The following CTDNEP1 variants were observed in gnomAD, a reference collection of about 807,000 sequenced individuals.
CTDNEP1 encodes C-terminal domain nuclear envelope phosphatase 1.
CTDNEP1 carries 3 observed loss-of-function variants against 30.1 expected under a neutral mutation model. That is an observed-to-expected ratio of 0.10 (90% confidence interval 0.05 to 0.26). The LOEUF (loss-of-function observed/expected upper bound fraction) is 0.26, where lower values mean the gene tolerates loss of function less well. Among genes scored for constraint, CTDNEP1 ranks in the 10% least tolerant of loss-of-function variants. The probability of loss-of-function intolerance (pLI) is 1.00; values close to 1 mark genes in which losing one functional copy is unlikely to be tolerated. For missense variants in CTDNEP1, 158 were observed against 310.4 expected (o/e 0.51, Z 3.69); for synonymous variants, 123 against 118.8 (o/e 1.04, Z -0.23).
chr17:7,249,380 C>T (rs2071883920), intron 1 of CTDNEP1, among the ~76,000 whole-genome samples: 1 of 152,200 alleles, frequency 6.6e-6, no homozygotes, highest in Admixed American at 6.5e-5. Context: ...AGTGTCCAGC[C>T]TTGCTATCTC....
Position 7,243,822 on chromosome 17 carries a change from TC to T in CTDNEP1, c.*362del. The T allele has an allele frequency of 1.8e-6, 1 of 549,608 alleles. No individual in the cohort carries two copies. Among genetic ancestry groups the T allele is most frequent in the Non-Finnish European group, 2.4e-6 (1 of 411,014 alleles). The allele number at this position is 549,608 out of a possible 1,614,324, so 34.0% of individuals were successfully genotyped here. On this transcript the variant is annotated 3_prime_UTR_variant, in exon 8 of 8. Transcript: ENST00000574322. ...TTGTACAAGAGTTTTTTAAAAAAAA[TC>T]AAATCACAACAAAGCTGACTTGGCT...
rs1384192868 is a variant in CTDNEP1 at position 7,244,622 on chromosome 17, G to T, written c.603C>A (p.Pro201=). 1 of 1,612,354 alleles carries T rather than the reference G, an allele frequency of 6.2e-7. No individual in the cohort carries two copies. Among genetic ancestry groups the T allele is most frequent in the African/African-American group, 1.3e-5 (1 of 74,920 alleles). Reference sequence around the variant, plus strand: ...TGGGGTCACTGAACCAGGATTTGATGGGGATGGCATTGTCTAGGGTGGGTG... The same window carrying T: ...TGGGGTCACTGAACCAGGATTTGATTGGGATGGCATTGTCTAGGGTGGGTG... ...AYRSHPDNAI[P]IKSWFSDPSD... Residue 201 remains proline, a synonymous_variant, in exon 7 of 8, where the codon CCC becomes CCA. Transcript: ENST00000574322.
chr17:7,251,555 A>G lies in CTDNEP1; in HGVS notation c.-259T>C. 1 of 164,406 alleles carries G rather than the reference A, an allele frequency of 6.1e-6. No homozygotes were observed. The highest frequency in any genetic ancestry group is 1.1e-5 in the Non-Finnish European group (1 of 89,726). 10.2% of individuals were successfully genotyped at this position (164,406 alleles called of 1,614,324 possible). ...GGGAGTGGCACCGACGGCTTCGGGG[A>G]GGTTGCGGGCCGAGACAGGTAGGGC... On this transcript the variant is annotated 5_prime_UTR_variant, in exon 1 of 8. Transcript: ENST00000574322.
chr17:7,244,453 CAG>C (rs1432951105), intron 7 of CTDNEP1, 96 bp downstream of exon 7: 7 of 1,307,004 alleles, frequency 5.4e-6, no homozygotes, highest in Non-Finnish European at 7.7e-6. Flanking sequence ...CTTAAGGGAA[CAG>C]AGTTAAAACA....
rs144600063 is a variant in CTDNEP1 at position 7,250,732 on chromosome 17, T to A, written c.102+463A>T. Among the ~76,000 whole-genome samples the A allele has an allele frequency of 9.2e-5, 14 of 152,256 alleles. No individual in the cohort carries two copies. The East Asian group carries it at 2.7e-3, about 29-fold the overall frequency. The stretch of plus-strand genomic sequence containing the variant: ...GGGCTTTCCCAAGTTCCCGTCCTTG[T>A]TTGTAACGTATGCCCTCCCACCCAC... On this transcript the variant is annotated intron_variant, in intron 1 of 7. Transcript: ENST00000574322.
intron 1 of CTDNEP1, among the ~76,000 whole-genome samples, chr17:7,250,246 G>C (rs2071895865): frequency 6.6e-6 from 1 of 152,152 alleles, no homozygotes; most frequent in South Asian, 2.1e-4. Flanking sequence ...CCACAGTACA[G>C]ACCCAGAACC....
intron 1 of CTDNEP1, 97 bp downstream of exon 1, chr17:7,251,098 C>T: frequency 1.2e-6 from 1 of 820,548 alleles, no homozygotes. Flanking sequence ...TAGGCCCAAA[C>T]AGAGGCCCGA....
chr17:7,247,058 A>G lies in CTDNEP1; in HGVS notation c.288+6T>C. 1.2e-6 allele frequency: 2 copies of G among 1,600,894 alleles called. No individual in the cohort carries two copies. The highest frequency in any genetic ancestry group is 1.7e-6 in the Non-Finnish European group (2 of 1,169,580). ...AACCATTTCATCACTCCCCACCACC[A>G]CACACCTTGAGGATGAAGTCAGGAG... On this transcript the variant is annotated splice_donor_region_variant and intron_variant, in intron 3 of 7. Transcript: ENST00000574322.
At chr17:7,247,630 G>C (rs1044729933) in intron 1 of CTDNEP1, among the ~76,000 whole-genome samples, 8 of 151,610 alleles carry the variant, frequency 5.3e-5, no homozygotes, top group Admixed American at 4.6e-4. Flanking sequence ...CACCACGCTC[G>C]GCTCATTTTT....
chr17:7,245,710 G>C (rs1404661473), intron 6 of CTDNEP1, among the ~76,000 whole-genome samples: 2 of 151,792 alleles, frequency 1.3e-5, no homozygotes, highest in African/African-American at 4.8e-5. Context: ...ATGTTTGTTA[G>C]GCTGGTCTCG....
upstream of CTDNEP1, chr17:7,251,813 A>T (rs1447456779): frequency 6.0e-5 from 4 of 66,156 alleles, no homozygotes; most frequent in Non-Finnish European, 1.4e-4. Flanking sequence ...AGAGCGAAGG[A>T]GCAGGGAAGG....
In CTDNEP1 at chr17:7,244,173, G is replaced by T; in HGVS notation, c.*12C>A. 1 of 1,613,906 alleles carries T rather than the reference G, an allele frequency of 6.2e-7. No homozygotes were observed. Among genetic ancestry groups the T allele is most frequent in the Non-Finnish European group, 8.5e-7 (1 of 1,179,944 alleles). On this transcript the variant is annotated 3_prime_UTR_variant, in exon 8 of 8. Transcript: ENST00000574322. The stretch of plus-strand genomic sequence containing the variant: ...CCCCCCCACCCCAACTCAGGTGGAG[G>T]GGGAGCAGCTGTCACCAGAGCCGAT...
chr17:7,249,081 C>T (rs752593344), intron 1 of CTDNEP1, among the ~76,000 whole-genome samples: 45 of 152,126 alleles, frequency 3.0e-4, no homozygotes, highest in Non-Finnish European at 6.0e-4. Flanking sequence ...AAGTCAGGGC[C>T]GTTAAGTGAG....
chr17:7,247,483 T>C lies in CTDNEP1; in HGVS notation c.103-140A>G. ...TTATTTCTTCTTCTTTTTTTTTTTTTTTTGAGATGGAGTCTCGCTCTGTTG... is the reference window on the plus strand; with the variant it reads ...TTATTTCTTCTTCTTTTTTTTTTTTCTTTGAGATGGAGTCTCGCTCTGTTG... On this transcript the variant is annotated intron_variant, in intron 1 of 7. Transcript: ENST00000574322. 3 of 684,084 alleles carry C rather than the reference T, an allele frequency of 4.4e-6. No homozygotes were observed. The South Asian group carries it at 5.6e-5, about 13-fold the overall frequency. 42.4% of individuals were successfully genotyped at this position (684,084 alleles called of 1,614,324 possible).
Position 7,246,770 on chromosome 17 carries a change from C to T in CTDNEP1, c.360+21G>A, listed in dbSNP as rs944623849. On this transcript the variant is annotated intron_variant, in intron 4 of 7. Coordinates refer to ENST00000574322, the MANE Select transcript of CTDNEP1 (RefSeq NM_001143775.2). The surrounding 1 kb of genome is among the most constrained non-coding windows in gnomAD (Gnocchi z 4.9). Reference sequence around the variant, plus strand: ...AACCATTCCTTCATTACAGAGCTCCCTTTAGCTCTCCAAAACTCACCACTT... The same window carrying T: ...AACCATTCCTTCATTACAGAGCTCCTTTTAGCTCTCCAAAACTCACCACTT... The T allele has an allele frequency of 6.3e-7, 1 of 1,597,646 alleles. No homozygotes were observed. Among genetic ancestry groups the T allele is most frequent in the South Asian group, 1.1e-5 (1 of 90,710 alleles).
Position 7,246,943 on chromosome 17 carries a change from C to T in CTDNEP1, c.289-81G>A. On this transcript the variant is annotated intron_variant, in intron 3 of 7. Transcript: ENST00000574322. The surrounding 1 kb of genome is among the most constrained non-coding windows in gnomAD (Gnocchi z 4.9). ...GAAAACGCCCCACCCATCTGCTTCC[C>T]TCCTCCAGGCTGACACTGGTGCCAG... 4 of 1,437,266 alleles carry T rather than the reference C, an allele frequency of 2.8e-6. No individual in the cohort carries two copies. Among genetic ancestry groups the T allele is most frequent in the Non-Finnish European group, 3.9e-6 (4 of 1,022,860 alleles). The allele number at this position is 1,437,266 out of a possible 1,614,324, so 89.0% of individuals were successfully genotyped here.
chr17:7,244,489 T>C, intron 7 of CTDNEP1, 62 bp downstream of exon 7: 5 of 1,456,618 alleles, frequency 3.4e-6, no homozygotes, highest in Non-Finnish European at 4.8e-6. Context: ...TTATTCCCTC[T>C]GAGGATCCCC....
At chr17:7,245,104 A>G (rs1184347088) in intron 6 of CTDNEP1, among the ~76,000 whole-genome samples, 1 of 152,190 alleles carries the variant, frequency 6.6e-6, no homozygotes, top group Non-Finnish European at 1.5e-5. Flanking sequence ...CAGCCTGGCC[A>G]ACGTGGTGAA....
intron 6 of CTDNEP1, among the ~76,000 whole-genome samples, chr17:7,245,759 A>G (rs1028223170): frequency 6.6e-6 from 1 of 152,112 alleles, no homozygotes; most frequent in Non-Finnish European, 1.5e-5. Context: ...CGGCCTCCCA[A>G]AGTGCTGGGA....
Sources: allele counts gnomAD v4.1 joint callset (sites outside exome capture counted in the v4.1 genomes callset), GRCh38; gene constraint gnomAD v4.1.1; non-coding constraint Gnocchi (gnomAD v3.1); transcripts MANE v1.5; gene names NCBI Gene and HGNC (gene_info 2026-07-23, HGNC 2026-07-21).